TTC39B: variants seen among roughly 807,000 people sequenced by gnomAD.
TTC39B encodes tetratricopeptide repeat domain 39B, also known as tetratricopeptide repeat protein 39B.
TTC39B carries 92 observed loss-of-function variants against 96.6 expected under a neutral mutation model. The observed-to-expected ratio is 0.95, with a 90% CI of 0.80 to 1.13. The LOEUF (loss-of-function observed/expected upper bound fraction) is 1.13, where lower values mean the gene tolerates loss of function less well. TTC39B is among the 50% of genes most tolerant of loss of function. The pLI is 0.00. For synonymous variants in TTC39B, 367 were observed against 299.4 expected, an observed-to-expected ratio of 1.23 and a Z score of -2.33; for missense variants, 955 against 809.3, an observed-to-expected ratio of 1.18 and a Z score of -2.18.
chr9:15,180,519 A>G (rs888463252), intron 17 of TTC39B, among the ~76,000 whole-genome samples: 3 of 152,208 alleles, frequency 2.0e-5, no homozygotes, highest in Non-Finnish European at 4.4e-5. Context: ...TGCAGAGTAG[A>G]TCAGTTGTAT....
chr9:15,168,343 T>A (rs1435359050), exon 20 of TTC39B: 1 of 149,410 alleles, frequency 6.7e-6, no homozygotes, highest in African/African-American at 2.5e-5. Context: ...TATTAAAACA[T>A]CACTGGAGTC....
intron 2 of TTC39B, among the ~76,000 whole-genome samples, chr9:15,236,377 G>A (rs188000379): frequency 1.2e-3 from 180 of 152,308 alleles, no homozygotes; most frequent in Non-Finnish European, 1.1e-3. Context: ...TATAGTGAGG[G>A]ACTTCAACAC....
intron 1 of TTC39B, among the ~76,000 whole-genome samples, chr9:15,282,200 A>G (rs779745057): frequency 1.3e-5 from 2 of 152,240 alleles, no homozygotes; most frequent in African/African-American, 2.4e-5. Flanking sequence ...AGAGACTGCC[A>G]GAAGTGATAA....
chr9:15,226,183 A>G (rs531677207), intron 2 of TTC39B, among the ~76,000 whole-genome samples, 171 bp from the exon 3 acceptor site: 2 of 152,360 alleles, frequency 1.3e-5, no homozygotes, highest in East Asian at 3.9e-4. Context: ...TGTGTCAAAC[A>G]TTCCTGAAAT....
intron 6 of TTC39B, among the ~76,000 whole-genome samples, chr9:15,207,611 T>C (rs1165550747): frequency 6.6e-6 from 1 of 152,048 alleles, no homozygotes; most frequent in Non-Finnish European, 1.5e-5. Context: ...GTTCCAAGTC[T>C]ACAAAGAGGA....
chr9:15,205,223 G>C (rs1819777531), intron 6 of TTC39B, among the ~76,000 whole-genome samples: 1 of 152,196 alleles, frequency 6.6e-6, no homozygotes, highest in African/African-American at 2.4e-5. Flanking sequence ...CGTGCACTGA[G>C]ATTACTGCCC....
chr9:15,282,958 C>G (rs141496298), intron 1 of TTC39B, among the ~76,000 whole-genome samples: 1 of 152,178 alleles, frequency 6.6e-6, no homozygotes, highest in African/African-American at 2.4e-5. Context: ...TGAGCCAGAG[C>G]TGTACAGACA....
intron 3 of TTC39B, among the ~76,000 whole-genome samples, chr9:15,220,839 G>A (rs117125248): frequency 2.0e-5 from 3 of 152,110 alleles, no homozygotes. Flanking sequence ...CTCATGATCA[G>A]ATTCAGGCTA....
chr9:15,266,764 G>T (rs1488930448), intron 2 of TTC39B, among the ~76,000 whole-genome samples: 2 of 152,070 alleles, frequency 1.3e-5, no homozygotes, highest in African/African-American at 4.8e-5. Context: ...GGGTCCTCAG[G>T]ATAGGATTAA....
chr9:15,209,126 C>T (rs1820041508), intron 6 of TTC39B, among the ~76,000 whole-genome samples: 2 of 152,090 alleles, frequency 1.3e-5, no homozygotes, highest in Non-Finnish European at 2.9e-5. Flanking sequence ...CCTGGGATGG[C>T]AAAAGCTTTA....
intron 7 of TTC39B, among the ~76,000 whole-genome samples, chr9:15,202,054 C>T (rs77895895): frequency 0.04 from 6,133 of 152,106 alleles, 153 homozygotes; most frequent in Middle Eastern, 0.071. Flanking sequence ...TAGGAAGAGA[C>T]GGAGCTGCAC....
intron 2 of TTC39B, among the ~76,000 whole-genome samples, chr9:15,257,997 T>C (rs998362014): frequency 1.3e-5 from 2 of 151,884 alleles, no homozygotes; most frequent in Non-Finnish European, 2.9e-5. Context: ...GAGGCAGAGG[T>C]TGCGGTGAGC....
chr9:15,198,745 T>C (rs761772215), intron 8 of TTC39B, among the ~76,000 whole-genome samples: 8 of 151,744 alleles, frequency 5.3e-5, no homozygotes, highest in Non-Finnish European at 1.2e-4. Flanking sequence ...TAGTCACAAG[T>C]GCAAACATTC....
intron 7 of TTC39B, among the ~76,000 whole-genome samples, chr9:15,203,070 T>C (rs532867818): frequency 8.5e-5 from 13 of 152,284 alleles, no homozygotes; most frequent in African/African-American, 3.1e-4. Context: ...GAAGTATACA[T>C]GCTATGCATG....
chr9:15,284,237 T>G (rs1264703991), intron 1 of TTC39B, among the ~76,000 whole-genome samples: 1 of 152,330 alleles, frequency 6.6e-6, no homozygotes, highest in East Asian at 1.9e-4. Flanking sequence ...TGGCAAAAAT[T>G]TACAAGGTTG....
At chr9:15,186,671 A>G (rs1471169295) in intron 15 of TTC39B, 1 of 263,512 alleles carries the variant, frequency 3.8e-6, no homozygotes, top group East Asian at 7.3e-5. Context: ...ACTAATGTTG[A>G]TGTTGATGCT....
At chr9:15,304,659 C>A (rs1452393936) in intron 1 of TTC39B, among the ~76,000 whole-genome samples, 6 of 151,890 alleles carry the variant, frequency 4.0e-5, no homozygotes, top group African/African-American at 1.5e-4. Flanking sequence ...ACCTCCCCCC[C>A]GACCCCTCTC....
At chr9:15,273,657 C>A (rs1823436219) in intron 1 of TTC39B, among the ~76,000 whole-genome samples, 1 of 128,152 alleles carries the variant, frequency 7.8e-6, no homozygotes, top group African/African-American at 4.7e-5. Flanking sequence ...CAATGAAGAC[C>A]ACAGGTGGGC....
intron 3 of TTC39B, among the ~76,000 whole-genome samples, chr9:15,220,883 C>G (rs1263562022): frequency 6.6e-6 from 1 of 152,124 alleles, no homozygotes; most frequent in Non-Finnish European, 1.5e-5. Context: ...GCCACATCAC[C>G]CTGAACACAC....
Sources: gnomAD v4.1 joint callset for allele counts (sites outside exome capture counted in the v4.1 genomes callset) on GRCh38, gnomAD v4.1.1 for gene constraint, MANE v1.5 for transcripts, NCBI Gene and HGNC (gene_info 2026-07-23, HGNC 2026-07-21) for gene names.